Variants in RAB40C observed in about 807,000 individuals in gnomAD.
The protein encoded by RAB40C is RAB40C, member RAS oncogene family, also known as ras-related protein Rab-40C.
A neutral mutation model predicts 28.1 loss-of-function variants in RAB40C; 8 were observed. That is an observed-to-expected ratio of 0.28 (90% CI 0.17 to 0.51). The LOEUF (loss-of-function observed/expected upper bound fraction) is 0.51, where lower values mean the gene tolerates loss of function less well. Among genes scored for constraint, RAB40C ranks in the 20% least tolerant of loss-of-function variants. The pLI is 0.97. For synonymous variants in RAB40C, 201 were observed against 171.7 expected, an observed-to-expected ratio of 1.17 and a Z score of -1.34; for missense variants, 288 against 405.9, an observed-to-expected ratio of 0.71 and a Z score of 2.50.
chr16:596,285 G>A, intron 1 of RAB40C: 1 of 456,100 alleles, frequency 2.2e-6, no homozygotes, highest in South Asian at 1.5e-5. Flanking sequence ...CTGGGTCCTC[G>A]CAGGTACTTT....
chr16:614,588 A>G (rs1156711837), intron 1 of RAB40C, among the ~76,000 whole-genome samples: 2 of 130,658 alleles, frequency 1.5e-5, no homozygotes, highest in East Asian at 2.6e-4. Context: ...CCGCATCCCG[A>G]TGGTGAACTG....
intron 3 of RAB40C, among the ~76,000 whole-genome samples, chr16:622,289 A>G (rs984793072): frequency 2.0e-5 from 3 of 152,178 alleles, no homozygotes; most frequent in African/African-American, 4.8e-5. Flanking sequence ...CTGGCGCAGT[A>G]CCAGTTCACG....
intron 1 of RAB40C, among the ~76,000 whole-genome samples, chr16:608,560 C>G (rs1027435449): frequency 6.6e-6 from 1 of 152,200 alleles, no homozygotes; most frequent in Non-Finnish European, 1.5e-5. Flanking sequence ...GTGGCATTCC[C>G]TTTACCATCC....
Position 590,206 on chromosome 16 carries a change from G to C in RAB40C, c.-86G>C. ...CCGTGGGGCGGACGCAACGGGCGCA[G>C]GTGCGGGGCGCGGGCTCTCTCACGC... On this transcript the variant is annotated 5_prime_UTR_variant, in exon 1 of 6. Coordinates refer to ENST00000248139, the MANE Select transcript of RAB40C (RefSeq NM_021168.5). 1.9e-6 allele frequency: 2 copies of C among 1,064,904 alleles called. No individual in the cohort carries two copies. Among genetic ancestry groups the C allele is most frequent in the Non-Finnish European group, 2.3e-6 (2 of 860,520 alleles). The allele number at this position is 1,064,904 out of a possible 1,614,324, so 66.0% of individuals were successfully genotyped here.
intron 1 of RAB40C, among the ~76,000 whole-genome samples, chr16:609,121 TA>T (rs1481117426): frequency 6.6e-6 from 1 of 151,832 alleles, no homozygotes; most frequent in African/African-American, 2.4e-5. Context: ...TCTCAAAAAA[TA>T]AAAATAAAAA....
rs2036600036 is a variant in RAB40C at position 617,009 on chromosome 16, C to T, written c.143-199C>T. ...TGCCCTGCCCCGCCCTGCCCGTGGC[C>T]CGTGTGCAGAAGTGGGCAGGCCTGG... On this transcript the variant is annotated intron_variant, in intron 1 of 5. Coordinates refer to ENST00000248139, the MANE Select transcript of RAB40C (RefSeq NM_021168.5). 8 of 604,344 alleles carry T rather than the reference C, an allele frequency of 1.3e-5. 1 individual carries two copies. In the South Asian group the frequency reaches 1.5e-4, roughly 12 times the overall value. The allele number at this position is 604,344 out of a possible 1,614,324, so 37.4% of individuals were successfully genotyped here. A position where few individuals can be genotyped will look rare whatever the true frequency, so the allele number is the denominator to read the frequency against.
In RAB40C at chr16:590,420, C is replaced by T; in HGVS notation, c.129C>T (p.Tyr43=). Residue 43 remains tyrosine, a synonymous_variant, in exon 1 of 6, where the codon TAC becomes TAT. Transcript: ENST00000248139. The part of the protein sequence containing the change: ...SLQDGAAESP[Y]AYSNGIDYKT... ...AGGACGGCGCGGCAGAGTCCCCGTA[C>T]GCCTACAGTAACGGTAAGGCCCGGC... The T allele has an allele frequency of 6.3e-7, 1 of 1,589,010 alleles. No homozygotes were observed. The highest frequency in any genetic ancestry group is 8.5e-7 in the Non-Finnish European group (1 of 1,170,290).
chr16:627,600 G>A lies in RAB40C; in HGVS notation c.824G>A (p.Arg275Gln), dbSNP rs1467035714. Residue 275 changes from arginine (R) to glutamine (Q), a missense_variant, in exon 6 of 6, where the codon CGG becomes CAG. Arg to Gln is a conservative substitution (Grantham distance 43). Transcript: ENST00000248139. ...CAGAGCCCCCCCCAGAACTGCTCGC[G>A]GAGTAACTGCAAGATCTCCTAGCGG... is the stretch of plus-strand genomic sequence containing the variant. ...PPQSPPQNCSRSNCKIS is the reference protein window; with the variant it reads ...PPQSPPQNCSQSNCKIS The A allele has an allele frequency of 3.1e-6, 5 of 1,594,704 alleles. No individual in the cohort carries two copies. The highest frequency in any genetic ancestry group is 2.2e-5 in the East Asian group (1 of 44,592).
chr16:622,541 C>T (rs1357428875), intron 3 of RAB40C, among the ~76,000 whole-genome samples: 1 of 152,216 alleles, frequency 6.6e-6, no homozygotes. Context: ...CACGGTCTGG[C>T]TCTGTCGCCA....
intron 1 of RAB40C, among the ~76,000 whole-genome samples, chr16:606,936 A>T (rs1158237048): frequency 6.6e-6 from 1 of 152,134 alleles, no homozygotes; most frequent in Non-Finnish European, 1.5e-5. Flanking sequence ...TCAGCAGCAA[A>T]CAGCCCCTGC....
upstream of RAB40C, chr16:589,748 G>A (rs1412514160): frequency 6.6e-6 from 1 of 152,308 alleles, no homozygotes; most frequent in Non-Finnish European, 1.5e-5. Flanking sequence ...CGGGAAAGCA[G>A]GAGGCGAGTG....
chr16:627,431 A>G lies in RAB40C; in HGVS notation c.655A>G (p.Lys219Glu). 6.2e-7 allele frequency: 1 copy of G among 1,613,846 alleles called. No homozygotes were observed. Among genetic ancestry groups the G allele is most frequent in the Non-Finnish European group, 8.5e-7 (1 of 1,179,966 alleles). The change falls in exon 6 of 6, where the codon AAG (lysine) becomes GAG (glutamate). Residue 219 changes from lysine to glutamate, a missense_variant. Physicochemically the swap from Lys to Glu is moderately conservative, Grantham distance 56 (BLOSUM62 1). Coordinates refer to ENST00000248139, the MANE Select transcript of RAB40C (RefSeq NM_021168.5). The part of the protein sequence containing the change: ...IDKLPLPVTI[K>E]SHLKSFSMAN... ...CAAGCTTCCACTGCCCGTCACCATCAAGAGCCACCTCAAGTCCTTCTCGAT... is the reference window on the plus strand; with the variant it reads ...CAAGCTTCCACTGCCCGTCACCATCGAGAGCCACCTCAAGTCCTTCTCGAT...
chr16:617,660 T>G lies in RAB40C; in HGVS notation c.203+392T>G, dbSNP rs558945299. Among the ~76,000 whole-genome samples, 4 of 152,086 alleles carry G rather than the reference T, an allele frequency of 2.6e-5. No homozygotes were observed. In the South Asian group the frequency reaches 8.3e-4, roughly 32 times the overall value. On this transcript the variant is annotated intron_variant, in intron 2 of 5. Transcript: ENST00000248139. ...GAGTCCAAGACAAGCCTGGCCAACATGGTGAAACGCCATCTCTACTAAAAA... is the reference window on the plus strand; with the variant it reads ...GAGTCCAAGACAAGCCTGGCCAACAGGGTGAAACGCCATCTCTACTAAAAA...
intron 1 of RAB40C, among the ~76,000 whole-genome samples, chr16:591,182 C>T (rs779300314): frequency 8.9e-5 from 12 of 135,126 alleles, no homozygotes; most frequent in South Asian, 2.3e-4. Context: ...GGGAAGGTGT[C>T]ATGGGCCTAA....
At chr16:624,941 G>T (rs1274819111) in intron 3 of RAB40C, 1 of 1,288,818 alleles carries the variant, frequency 7.8e-7, no homozygotes, top group Non-Finnish European at 1.0e-6. Flanking sequence ...AACCTGCTCT[G>T]CCTGGCTGGG....
chr16:617,288 CT>C lies in RAB40C; in HGVS notation c.203+22del. On this transcript the variant is annotated intron_variant, in intron 2 of 5. Coordinates refer to ENST00000248139, the MANE Select transcript of RAB40C (RefSeq NM_021168.5). Reference sequence around the variant, plus strand: ...GCTCTGGTGAGTTGGGGCTGCGGCACTTCAGTTCCTGGGTGAGGACACAAAT... The same window carrying C: ...GCTCTGGTGAGTTGGGGCTGCGGCACTCAGTTCCTGGGTGAGGACACAAAT... 4 of 1,613,852 alleles carry C rather than the reference CT, an allele frequency of 2.5e-6. No homozygotes were observed. The highest frequency in any genetic ancestry group is 3.4e-6 in the Non-Finnish European group (4 of 1,179,774).
At chr16:614,067 C>G (rs1194137747) in intron 1 of RAB40C, among the ~76,000 whole-genome samples, 4 of 151,962 alleles carry the variant, frequency 2.6e-5, no homozygotes, top group African/African-American at 9.7e-5. Flanking sequence ...CTAACTCTGC[C>G]GTATCCCGAT....
chr16:607,796 C>A (rs1018351703), intron 1 of RAB40C, among the ~76,000 whole-genome samples: 1 of 151,816 alleles, frequency 6.6e-6, no homozygotes, highest in Non-Finnish European at 1.5e-5. Flanking sequence ...GTCTCAAAAA[C>A]GAAAAGAAAA....
chr16:592,220 G>T (rs139992748), intron 1 of RAB40C, among the ~76,000 whole-genome samples: 1 of 152,368 alleles, frequency 6.6e-6, no homozygotes, highest in Non-Finnish European at 1.5e-5. Context: ...CTGTCTGACT[G>T]CCCTGAGCGT....
Sources: gnomAD v4.1 joint callset for allele counts (sites outside exome capture counted in the v4.1 genomes callset) on GRCh38, gnomAD v4.1.1 for gene constraint, MANE v1.5 for transcripts, NCBI Gene and HGNC (gene_info 2026-07-23, HGNC 2026-07-21) for gene names.